The following TANGO6 variants were observed in gnomAD, a reference collection of about 807,000 sequenced individuals.
TANGO6 encodes the protein transport and golgi organization 6 homolog, also known as transport and Golgi organization protein 6 homolog.
Under a neutral mutation model 114.2 loss-of-function variants are expected in TANGO6, and 90 were observed. The ratio of observed to expected loss-of-function variants is 0.79; its 90% CI spans 0.66 to 0.94. The LOEUF (loss-of-function observed/expected upper bound fraction) is 0.94. Among genes scored for constraint, TANGO6 ranks in the 40% least tolerant of loss-of-function variants. The pLI is 0.00. For synonymous variants in TANGO6, 477 were observed against 509.8 expected, an observed-to-expected ratio of 0.94 and a Z score of 0.87; for missense variants, 1,274 against 1,315.3, an observed-to-expected ratio of 0.97 and a Z score of 0.49.
At chr16:68,988,957 G>A (rs1004867435) in intron 15 of TANGO6, among the ~76,000 whole-genome samples, 5 of 151,970 alleles carry the variant, frequency 3.3e-5, no homozygotes, top group African/African-American at 9.7e-5. Flanking sequence ...CCTCGACCTC[G>A]CAGCCTCAGG....
At chr16:69,080,474 C>T (rs1461849185) in intron 17 of TANGO6, among the ~76,000 whole-genome samples, 1 of 152,078 alleles carries the variant, frequency 6.6e-6, no homozygotes, top group African/African-American at 2.4e-5. Flanking sequence ...TGCTGGAGCC[C>T]AGGAGATTGA....
chr16:68,970,396 G>A (rs755870369), intron 14 of TANGO6, among the ~76,000 whole-genome samples: 9 of 152,050 alleles, frequency 5.9e-5, no homozygotes, highest in Non-Finnish European at 1.2e-4. Context: ...GGCCCGGCAC[G>A]GTGGCTCATG....
At chr16:69,020,354 T>C (rs1432443491) in intron 15 of TANGO6, among the ~76,000 whole-genome samples, 1 of 152,168 alleles carries the variant, frequency 6.6e-6, no homozygotes, top group Admixed American at 6.6e-5. Context: ...GGATCAGAGA[T>C]GAAGGAGTCA....
intron 12 of TANGO6, among the ~76,000 whole-genome samples, chr16:68,920,889 G>T (rs563996282): frequency 1.3e-5 from 2 of 151,690 alleles, no homozygotes; most frequent in East Asian, 3.9e-4. Context: ...CGAGGTGGGC[G>T]GATCAGGAGG....
intron 1 of TANGO6, among the ~76,000 whole-genome samples, chr16:68,849,587 G>A (rs1961868356): frequency 6.6e-6 from 1 of 151,932 alleles, no homozygotes; most frequent in Non-Finnish European, 1.5e-5. Context: ...CTGAGCCCCG[G>A]AGTTTGAGGG....
At chr16:69,058,323 A>C (rs572131387) in intron 17 of TANGO6, among the ~76,000 whole-genome samples, 1 of 152,344 alleles carries the variant, frequency 6.6e-6, no homozygotes, top group Non-Finnish European at 1.5e-5. Context: ...ACTTAATAGT[A>C]ATATAACTAA....
chr16:68,912,351 A>G (rs1962934110), intron 11 of TANGO6, among the ~76,000 whole-genome samples: 1 of 151,920 alleles, frequency 6.6e-6, no homozygotes, highest in African/African-American at 2.4e-5. Flanking sequence ...TACAAAAACT[A>G]GACCGGGTGC....
chr16:68,860,071 T>C lies in TANGO6; in HGVS notation c.282T>C (p.Phe94=), dbSNP rs375068447. ...PQNSVDVTWS[F]TSQTLLLLLC... is the part of the protein sequence containing the mutation. ...ACTCTGTGGATGTCACTTGGAGTTTTACCTCTCAAACCTTGTTGTTGCTTT... is the reference window on the plus strand; with the variant it reads ...ACTCTGTGGATGTCACTTGGAGTTTCACCTCTCAAACCTTGTTGTTGCTTT... The change falls in exon 2 of 18, where the codon TTT becomes TTC. Residue 94 remains phenylalanine (F), a synonymous_variant. Coordinates refer to ENST00000261778, the MANE Select transcript of TANGO6 (RefSeq NM_024562.2). The C allele has an allele frequency of 6.2e-7, 1 of 1,614,038 alleles. No homozygotes were observed. The highest frequency in any genetic ancestry group is 8.5e-7 in the Non-Finnish European group (1 of 1,179,902).
chr16:68,970,433 C>T (rs1234502604), intron 14 of TANGO6, among the ~76,000 whole-genome samples: 2 of 151,934 alleles, frequency 1.3e-5, no homozygotes, highest in East Asian at 1.9e-4. Flanking sequence ...TTTGGGAGGC[C>T]GAGGCAGGTG....
At chr16:68,883,139 G>A (rs1276383086) in intron 7 of TANGO6, among the ~76,000 whole-genome samples, 1 of 152,198 alleles carries the variant, frequency 6.6e-6, no homozygotes, top group Non-Finnish European at 1.5e-5. Flanking sequence ...GGAGGCTGCA[G>A]TGAGCTGAGA....
At chr16:68,918,903 C>T (rs976722069) in intron 11 of TANGO6, among the ~76,000 whole-genome samples, 182 bp from the exon 12 acceptor site, 1 of 151,754 alleles carries the variant, frequency 6.6e-6, no homozygotes, top group African/African-American at 2.4e-5. Flanking sequence ...TATAATAAAC[C>T]GGTAAATGTT....
At chr16:68,992,081 AAAGT>A (rs1567554857) in intron 15 of TANGO6, among the ~76,000 whole-genome samples, 1 of 152,208 alleles carries the variant, frequency 6.6e-6, no homozygotes, top group African/African-American at 2.4e-5. Context: ...AGGCTCAAAT[AAAGT>A]AATATATATG....
At chr16:68,921,339 C>T (rs574511943) in intron 12 of TANGO6, among the ~76,000 whole-genome samples, 3 of 151,504 alleles carry the variant, frequency 2.0e-5, no homozygotes, top group African/African-American at 7.2e-5. Context: ...TGCACCACCA[C>T]GCCCAGCTAA....
At chr16:68,946,799 A>T (rs1000122686) in intron 14 of TANGO6, among the ~76,000 whole-genome samples, 1 of 152,168 alleles carries the variant, frequency 6.6e-6, no homozygotes, top group African/African-American at 2.4e-5. Flanking sequence ...ACTGTACCCC[A>T]CCTAATTTCT....
At chr16:69,083,382 G>T in intron 17 of TANGO6, 103 bp from the exon 18 acceptor site, 1 of 1,354,330 alleles carries the variant, frequency 7.4e-7, no homozygotes, top group Non-Finnish European at 9.9e-7. Context: ...GAAGTCTGTG[G>T]ATGTCCTCAC....
intron 17 of TANGO6, among the ~76,000 whole-genome samples, chr16:69,068,999 G>A (rs1297448894): frequency 6.6e-6 from 1 of 152,194 alleles, no homozygotes; most frequent in Non-Finnish European, 1.5e-5. Flanking sequence ...TTACAGGCAT[G>A]AGCCACCGTA....
chr16:69,065,044 T>G (rs1960192735), intron 17 of TANGO6, among the ~76,000 whole-genome samples: 1 of 152,264 alleles, frequency 6.6e-6, no homozygotes, highest in Admixed American at 6.5e-5. Flanking sequence ...TCTTTTCTCG[T>G]AAGCAGTAGC....
At chr16:68,960,284 A>G (rs1963575918) in intron 14 of TANGO6, among the ~76,000 whole-genome samples, 1 of 147,630 alleles carries the variant, frequency 6.8e-6, no homozygotes, top group Non-Finnish European at 1.5e-5. Flanking sequence ...GCCTTCAGTC[A>G]GTATTAGGGC....
chr16:68,868,492 A>ATTTTT (rs765054621), intron 4 of TANGO6, among the ~76,000 whole-genome samples: 6,383 of 93,516 alleles, frequency 0.068, 373 homozygotes, highest in Non-Finnish European at 0.1. Context: ...CTATATTTCT[A>ATTTTT]TTTTTTTTTT....
Sources: allele counts gnomAD v4.1 joint callset (sites outside exome capture counted in the v4.1 genomes callset), GRCh38; gene constraint gnomAD v4.1.1; transcripts MANE v1.5; gene names NCBI Gene and HGNC (gene_info 2026-07-23, HGNC 2026-07-21).